NPAS3: variants seen among roughly 807,000 people sequenced by gnomAD.
NPAS3 encodes neuronal PAS domain-containing protein 3.
In NPAS3, 14 loss-of-function variants were observed where a neutral mutation model predicts 73.1. The observed-to-expected ratio is 0.19, with a 90% CI of 0.13 to 0.30. NPAS3 has a LOEUF of 0.30. NPAS3 is among the 10% of genes least tolerant of loss of function. The pLI, the probability that NPAS3 is intolerant of heterozygous loss-of-function variation, is 1.00. For synonymous variants in NPAS3, 620 were observed against 541.5 expected (o/e 1.14, Z -2.01); for missense variants, 1,096 against 1,250.0 (o/e 0.88, Z 1.86).
At chr14:32,990,850 C>T (rs1333328520) in intron 1 of NPAS3, among the ~76,000 whole-genome samples, 1 of 151,190 alleles carries the variant, frequency 6.6e-6, no homozygotes, top group African/African-American at 2.4e-5. Context: ...TCACTTGATC[C>T]CAGGAGGTTG....
intron 7 of NPAS3, among the ~76,000 whole-genome samples, chr14:33,772,377 G>A (rs1001334906): frequency 6.6e-6 from 1 of 152,148 alleles, no homozygotes; most frequent in African/African-American, 2.4e-5. Flanking sequence ...TCAGTACCAT[G>A]ATGGCCACAG....
At chr14:33,161,679 A>G (rs1234535895) in intron 2 of NPAS3, among the ~76,000 whole-genome samples, 18 of 152,340 alleles carry the variant, frequency 1.2e-4, no homozygotes, top group Admixed American at 3.9e-4. Context: ...AGAGAGATCA[A>G]TAGTTGTTGT....
At chr14:33,674,143 C>T (rs765136134) in intron 5 of NPAS3, among the ~76,000 whole-genome samples, 5 of 152,092 alleles carry the variant, frequency 3.3e-5, no homozygotes, top group Non-Finnish European at 7.4e-5. Flanking sequence ...TCTGCACATC[C>T]GAGCAAATCA....
intron 4 of NPAS3, among the ~76,000 whole-genome samples, chr14:33,467,356 C>G (rs2050575088): frequency 6.6e-6 from 1 of 152,174 alleles, no homozygotes; most frequent in African/African-American, 2.4e-5. Context: ...AGAGCTTTCT[C>G]TCTCTCTTTG....
intron 5 of NPAS3, among the ~76,000 whole-genome samples, chr14:33,627,209 A>G (rs1256150949): frequency 6.6e-6 from 1 of 152,174 alleles, no homozygotes; most frequent in Non-Finnish European, 1.5e-5. Context: ...AGGAAACGGA[A>G]CTAAGATAAC....
intron 1 of NPAS3, among the ~76,000 whole-genome samples, chr14:33,007,850 A>AGTGT (rs2039051584): frequency 6.6e-6 from 1 of 152,210 alleles, no homozygotes. Flanking sequence ...TAAAAGAATG[A>AGTGT]GTGTGGCTGT....
At chr14:33,497,238 A>C (rs2052248134) in intron 4 of NPAS3, among the ~76,000 whole-genome samples, 1 of 152,208 alleles carries the variant, frequency 6.6e-6, no homozygotes, top group Non-Finnish European at 1.5e-5. Flanking sequence ...GCTCGTGGAT[A>C]GGAAGAATCA....
intron 1 of NPAS3, among the ~76,000 whole-genome samples, chr14:33,010,013 A>G (rs1305913351): frequency 6.6e-6 from 1 of 152,194 alleles, no homozygotes; most frequent in Non-Finnish European, 1.5e-5. Context: ...AGGGCTAATA[A>G]TTGTACTGTG....
chr14:33,706,450 C>T (rs769426558), intron 6 of NPAS3, among the ~76,000 whole-genome samples: 4 of 152,144 alleles, frequency 2.6e-5, no homozygotes, highest in Non-Finnish European at 5.9e-5. Context: ...TGGACCGAGG[C>T]CTAGCTGACA....
upstream of NPAS3, among the ~76,000 whole-genome samples, chr14:32,937,864 G>C (rs2035748304): frequency 6.6e-6 from 1 of 152,130 alleles, no homozygotes; most frequent in Non-Finnish European, 1.5e-5. Context: ...GTAAAAAGCT[G>C]TCCACACGCT....
intron 4 of NPAS3, among the ~76,000 whole-genome samples, chr14:33,467,729 T>C (rs1200813977): frequency 1.3e-5 from 2 of 152,196 alleles, no homozygotes; most frequent in Non-Finnish European, 2.9e-5. Context: ...ATGTGGAGCA[T>C]GTGCGGCAGG....
At chr14:33,742,469 C>T (rs2061679246) in intron 7 of NPAS3, among the ~76,000 whole-genome samples, 1 of 152,152 alleles carries the variant, frequency 6.6e-6, no homozygotes, top group South Asian at 2.1e-4. Flanking sequence ...TGTACAACAG[C>T]ATTATTTCTA....
intron 2 of NPAS3, among the ~76,000 whole-genome samples, chr14:33,125,261 G>C (rs1271997954): frequency 6.6e-6 from 1 of 152,032 alleles, no homozygotes; most frequent in Non-Finnish European, 1.5e-5. Context: ...CTAGAAGGAA[G>C]TAGGTCATAT....
intron 4 of NPAS3, among the ~76,000 whole-genome samples, chr14:33,461,951 G>T (rs8006280): frequency 6.6e-6 from 1 of 152,156 alleles, no homozygotes; most frequent in African/African-American, 2.4e-5. Flanking sequence ...AGAAGTCAAG[G>T]GTTGTGAATG....
intron 4 of NPAS3, among the ~76,000 whole-genome samples, chr14:33,471,439 C>T (rs2050776926): frequency 6.6e-6 from 1 of 152,190 alleles, no homozygotes; most frequent in South Asian, 2.1e-4. Context: ...GAGGATGTCA[C>T]TGATGGATCA....
chr14:33,795,027 G>A (rs1252292246), intron 10 of NPAS3, among the ~76,000 whole-genome samples: 1 of 152,184 alleles, frequency 6.6e-6, no homozygotes, highest in East Asian at 1.9e-4. Context: ...TAGACAGGGA[G>A]TACCTGAATC....
intron 1 of NPAS3, among the ~76,000 whole-genome samples, chr14:32,946,348 G>GCGCACACACACACACA (rs1233572564): frequency 5.7e-5 from 8 of 139,314 alleles, no homozygotes; most frequent in African/African-American, 1.9e-4. Context: ...ACACACACGC[G>GCGCACACACACACACA]CACACACACA....
intron 7 of NPAS3, among the ~76,000 whole-genome samples, chr14:33,735,587 G>T (rs1024217447): frequency 1.3e-5 from 2 of 152,026 alleles, no homozygotes; most frequent in Non-Finnish European, 2.9e-5. Context: ...TATGCCAAGT[G>T]CTTCAGCACC....
chr14:33,059,102 G>A (rs1003670893), intron 2 of NPAS3, among the ~76,000 whole-genome samples: 1 of 152,174 alleles, frequency 6.6e-6, no homozygotes, highest in African/African-American at 2.4e-5. Context: ...TTGCACCATG[G>A]AAATTGGAAA....
Sources: allele counts gnomAD v4.1 joint callset (sites outside exome capture counted in the v4.1 genomes callset), GRCh38; gene constraint gnomAD v4.1.1; transcripts MANE v1.5; gene names NCBI Gene and HGNC (gene_info 2026-07-23, HGNC 2026-07-21).